The following GABPB1 variants were observed in gnomAD, a reference collection of about 807,000 sequenced individuals.
GABPB1 encodes GA-binding protein subunit beta-1.
GABPB1 carries 15 observed loss-of-function variants against 45.9 expected under a neutral mutation model. The observed-to-expected ratio is 0.33, with a 90% CI of 0.22 to 0.50. The LOEUF (loss-of-function observed/expected upper bound fraction) is 0.50. Among genes scored for constraint, GABPB1 ranks in the 20% least tolerant of loss-of-function variants. The pLI is 0.98. For synonymous variants in GABPB1, 143 were observed against 154.4 expected (o/e 0.93, Z 0.55); for missense variants, 252 against 457.5 (o/e 0.55, Z 4.10).
chr15:50,320,277 T>G (rs1274535076), intron 1 of GABPB1, among the ~76,000 whole-genome samples: 1 of 152,156 alleles, frequency 6.6e-6, no homozygotes, highest in Non-Finnish European at 1.5e-5. Context: ...AAGCAATTCT[T>G]CTGCCTCAGC....
In GABPB1 at chr15:50,301,162, A is replaced by G. The variant is rs867155058; in HGVS notation, c.583+95T>C. 5.3e-6 allele frequency: 8 copies of G among 1,498,272 alleles called. No homozygotes were observed. The Middle Eastern group carries it at 1.1e-3, about 199-fold the overall frequency. The allele number at this position is 1,498,272 out of a possible 1,614,324, so 92.8% of individuals were successfully genotyped here. On this transcript the variant is annotated intron_variant, in intron 5 of 8. Coordinates refer to ENST00000380877, the MANE Select transcript of GABPB1 (RefSeq NM_016654.5). ...CATTCTCCAACCGTCCTTTCTTACAAGGATGAATACCTACTAAAGCATAAA... is the reference window on the plus strand; with the variant it reads ...CATTCTCCAACCGTCCTTTCTTACAGGGATGAATACCTACTAAAGCATAAA...
chr15:50,309,643 C>CA (rs1254602514), intron 2 of GABPB1, 48 bp downstream of exon 2: 2 of 1,213,586 alleles, frequency 1.6e-6, no homozygotes, highest in Non-Finnish European at 2.4e-6. Context: ...TGCAAAAACT[C>CA]AAAAATGAGA....
chr15:50,283,911 A>T (rs986713982), intron 8 of GABPB1, among the ~76,000 whole-genome samples: 2 of 152,180 alleles, frequency 1.3e-5, no homozygotes, highest in Admixed American at 1.3e-4. Context: ...GTTAATTTTT[A>T]AATTTCTTTA....
intron 2 of GABPB1, among the ~76,000 whole-genome samples, chr15:50,305,564 T>A (rs930557382): frequency 2.6e-5 from 4 of 152,114 alleles, no homozygotes; most frequent in Non-Finnish European, 5.9e-5. Context: ...TCAAAGAAGA[T>A]CCTTAAACAA....
intron 2 of GABPB1, among the ~76,000 whole-genome samples, chr15:50,307,698 T>C (rs1332261616): frequency 2.0e-5 from 2 of 99,046 alleles, no homozygotes; most frequent in African/African-American, 3.6e-5. Context: ...TGAGACTCCA[T>C]CTCAAAAAAA....
chr15:50,320,069 CA>C (rs1313374047), intron 1 of GABPB1, among the ~76,000 whole-genome samples: 1 of 151,958 alleles, frequency 6.6e-6, no homozygotes, highest in Non-Finnish European at 1.5e-5. Flanking sequence ...GGCGGGTGGG[CA>C]AAAATAAAAA....
At chr15:50,338,103 G>C (rs575015039) in intron 1 of GABPB1, among the ~76,000 whole-genome samples, 2 of 152,302 alleles carry the variant, frequency 1.3e-5, no homozygotes, top group East Asian at 3.9e-4. Flanking sequence ...GTAGTGGTGA[G>C]ATCTTGGCTC....
At chr15:50,315,085 A>G (rs2047269640) in intron 1 of GABPB1, among the ~76,000 whole-genome samples, 1 of 152,212 alleles carries the variant, frequency 6.6e-6, no homozygotes, top group African/African-American at 2.4e-5. Context: ...ATTATAATCA[A>G]AACATGATTT....
chr15:50,315,049 T>C (rs1160707940), intron 1 of GABPB1, among the ~76,000 whole-genome samples: 1 of 152,254 alleles, frequency 6.6e-6, no homozygotes, highest in Non-Finnish European at 1.5e-5. Context: ...TTATTATAAA[T>C]TGCTTATTTT....
intron 2 of GABPB1, among the ~76,000 whole-genome samples, chr15:50,305,906 CG>C (rs1257136879): frequency 1.3e-5 from 2 of 151,988 alleles, no homozygotes; most frequent in Non-Finnish European, 2.9e-5. Flanking sequence ...CTCAGCCTCC[CG>C]AAGTGCTGGG....
intron 1 of GABPB1, among the ~76,000 whole-genome samples, chr15:50,342,946 G>A (rs2048429912): frequency 6.7e-6 from 1 of 149,290 alleles, no homozygotes; most frequent in Non-Finnish European, 1.5e-5. Context: ...TGTCGCCCAG[G>A]CTGGAGTGCA....
intron 1 of GABPB1, among the ~76,000 whole-genome samples, chr15:50,312,941 AAT>A (rs1160289858): frequency 6.6e-6 from 1 of 151,752 alleles, no homozygotes; most frequent in East Asian, 1.9e-4. Flanking sequence ...AAGTATTATA[AAT>A]ATCTCTGTCC....
At chr15:50,280,846 C>T (rs2045949813) in intron 8 of GABPB1, among the ~76,000 whole-genome samples, 1 of 152,000 alleles carries the variant, frequency 6.6e-6, no homozygotes, top group Admixed American at 6.6e-5. Flanking sequence ...TATAAATTTA[C>T]CTTGATTTAG....
intron 6 of GABPB1, among the ~76,000 whole-genome samples, chr15:50,292,021 T>C (rs769504964): frequency 5.5e-4 from 83 of 151,686 alleles, no homozygotes; most frequent in Non-Finnish European, 1.2e-4. Context: ...TAGTTAACAT[T>C]TAAAAAATGA....
intron 1 of GABPB1, among the ~76,000 whole-genome samples, chr15:50,335,338 T>C (rs1306150771): frequency 6.6e-6 from 1 of 152,216 alleles, no homozygotes; most frequent in African/African-American, 2.4e-5. Context: ...CATAAGACTT[T>C]ACATGTCCAC....
At chr15:50,327,018 G>A (rs2047793638) in intron 1 of GABPB1, among the ~76,000 whole-genome samples, 1 of 152,084 alleles carries the variant, frequency 6.6e-6, no homozygotes, top group Non-Finnish European at 1.5e-5. Flanking sequence ...CTTTGCCACT[G>A]ACTATGCCTT....
At chr15:50,292,106 G>A (rs187120245) in intron 6 of GABPB1, among the ~76,000 whole-genome samples, 3 of 150,672 alleles carry the variant, frequency 2.0e-5, no homozygotes, top group East Asian at 2.0e-4. Flanking sequence ...AGGCCAAGGC[G>A]GGCGGGTCAG....
intron 8 of GABPB1, among the ~76,000 whole-genome samples, chr15:50,280,875 G>A (rs1327336588): frequency 6.6e-6 from 1 of 152,186 alleles, no homozygotes; most frequent in Admixed American, 6.5e-5. Context: ...ATTGGAAGAG[G>A]TTAACTCTAA....
intron 8 of GABPB1, among the ~76,000 whole-genome samples, chr15:50,282,563 A>AAAAAAAAAAAAAAAAAAAAAAAAAAAC (rs1222633505): frequency 1.3e-5 from 2 of 149,698 alleles, no homozygotes; most frequent in Admixed American, 6.6e-5. Flanking sequence ...TAAAAAAGAA[A>AAAAAAAAAAAAAAAAAAAAAAAAAAAC]AAAAAAAAAA....
Sources: gnomAD v4.1 joint callset for allele counts (sites outside exome capture counted in the v4.1 genomes callset) on GRCh38, gnomAD v4.1.1 for gene constraint, MANE v1.5 for transcripts, NCBI Gene and HGNC (gene_info 2026-07-23, HGNC 2026-07-21) for gene names.